The following HLA-F variants were observed in gnomAD, a reference collection of about 807,000 sequenced individuals.
HLA-F encodes the protein major histocompatibility complex, class I, F, also known as HLA class I histocompatibility antigen, alpha chain F.
Under a neutral mutation model 49.5 loss-of-function variants are expected in HLA-F, and 46 were observed. The ratio of observed to expected loss-of-function variants is 0.93; its 90% CI spans 0.73 to 1.19. HLA-F has a LOEUF of 1.19. HLA-F is among the 50% of genes most tolerant of loss of function. HLA-F has a pLI of 0.00. For synonymous variants in HLA-F, 203 were observed against 233.5 expected (o/e 0.87, Z 1.19); for missense variants, 496 against 579.6 (o/e 0.86, Z 1.48).
At chr6:29,732,810 T>C (rs1321206592) in intron 3 of HLA-F, among the ~76,000 whole-genome samples, 1 of 152,174 alleles carries the variant, frequency 6.6e-6, no homozygotes, top group Non-Finnish European at 1.5e-5. Context: ...AATAATACAT[T>C]CAAAAAGCAA....
intron 3 of HLA-F, chr6:29,737,882 A>T (rs2523393): frequency 1.3e-5 from 2 of 152,006 alleles, no homozygotes; most frequent in African/African-American, 4.8e-5. Context: ...AGGCCTAGAT[A>T]AACCTGACAG....
intron 5 of HLA-F, 110 bp downstream of exon 5, chr6:29,725,673 T>C (rs1490960341): frequency 1.1e-6 from 1 of 929,710 alleles, no homozygotes; most frequent in South Asian, 1.4e-5. Context: ...TCCACACTCA[T>C]GGGTCTACCC....
downstream of HLA-F, among the ~76,000 whole-genome samples, chr6:29,731,626 C>T (rs2127595635): frequency 6.6e-6 from 1 of 152,224 alleles, no homozygotes; most frequent in South Asian, 2.1e-4. Context: ...AGAGGATTTT[C>T]CCCGCTCAGT....
intron 5 of HLA-F, 144 bp downstream of exon 5, chr6:29,725,707 C>G: frequency 1.3e-6 from 1 of 750,192 alleles, no homozygotes; most frequent in Non-Finnish European, 2.3e-6. Flanking sequence ...TGTGCCAGCA[C>G]CTACTCATTT....
intron 3 of HLA-F, among the ~76,000 whole-genome samples, chr6:29,734,111 C>T (rs1033223923): frequency 1.3e-5 from 2 of 152,192 alleles, no homozygotes; most frequent in African/African-American, 4.8e-5. Flanking sequence ...GGAAGGTTCA[C>T]ACTTGTAGAG....
In HLA-F at chr6:29,723,924, G is replaced by A. The variant is rs753698900; in HGVS notation, c.331G>A (p.Ala111Thr). 5.6e-6 allele frequency: 9 copies of A among 1,594,208 alleles called. 1 individual carries two copies. In the African/African-American group the frequency reaches 9.4e-5, roughly 17 times the overall value. Residue 111 changes from alanine (A) to threonine (T), a missense_variant, in exon 2 of 7, where the codon GCT becomes ACT. Coordinates refer to ENST00000259951, the MANE Select transcript of HLA-F (RefSeq NM_001098479.2). ...GCTCCGCCGCTACAACCAGAGCGAG[G>A]CTGGTGAGTGAACCCGGCCGGGGGC... ...NLLRRYNQSE[A>T]GSHTLQGMNG...
chr6:29,726,111 ACCCAC>A lies in HLA-F; in HGVS notation c.1036+74_1036+78del. ...TGGTCAGGAGCCTATGAGGGAGCTC[ACCCAC>A]CCCACAGTTCCTCTAGCCACATCTG... On this transcript the variant is annotated intron_variant, in intron 6 of 6. Transcript: ENST00000259951. The A allele has an allele frequency of 2.8e-6, 4 of 1,450,018 alleles. No individual in the cohort carries two copies. In the East Asian group the frequency reaches 9.1e-5, roughly 33 times the overall value. The allele number at this position is 1,450,018 out of a possible 1,614,324, so 89.8% of individuals were successfully genotyped here. A position where few individuals can be genotyped will look rare whatever the true frequency, so the allele number is the denominator to read the frequency against.
chr6:29,728,326 G>A (rs907816792), downstream of HLA-F: 5 of 351,286 alleles, frequency 1.4e-5, no homozygotes, highest in Non-Finnish European at 2.8e-5. Flanking sequence ...CTGTATGCCT[G>A]TAGTGCTTAG....
At position 29,727,234 on chromosome 6, in the gene HLA-F, C is replaced by A; in HGVS notation, c.*59C>A. 1 of 1,053,014 alleles carries A rather than the reference C, an allele frequency of 9.5e-7. No individual in the cohort carries two copies. The highest frequency in any genetic ancestry group is 1.4e-6 in the Non-Finnish European group (1 of 720,522). The allele number at this position is 1,053,014 out of a possible 1,614,324, so 65.2% of individuals were successfully genotyped here. On this transcript the variant is annotated 3_prime_UTR_variant, in exon 7 of 7. Coordinates refer to ENST00000259951, the MANE Select transcript of HLA-F (RefSeq NM_001098479.2). ...CTAGACCACTAAATACTTCATCACA[C>A]ACCTCCTAAGAATAAGAACCAACAT...
chr6:29,731,227 G>GGATGGATAGATGATA (rs1212859904), downstream of HLA-F, among the ~76,000 whole-genome samples: 2 of 131,238 alleles, frequency 1.5e-5, no homozygotes, highest in Non-Finnish European at 3.2e-5. Context: ...TAGAGTAGAT[G>GGATGGATAGATGATA]GATACATAGA....
intron 3 of HLA-F, among the ~76,000 whole-genome samples, chr6:29,734,802 C>T (rs559933903): frequency 6.6e-6 from 1 of 152,256 alleles, no homozygotes; most frequent in Admixed American, 6.5e-5. Flanking sequence ...AACTCTGCAC[C>T]ATTAAGCAGT....
downstream of HLA-F, among the ~76,000 whole-genome samples, chr6:29,731,896 G>A (rs1776656626): frequency 6.6e-6 from 1 of 152,138 alleles, no homozygotes; most frequent in African/African-American, 2.4e-5. Context: ...ATCACAGTAT[G>A]ACAGTATAAT....
chr6:29,733,373 C>G (rs1306102043), intron 3 of HLA-F, among the ~76,000 whole-genome samples: 1 of 149,982 alleles, frequency 6.7e-6, no homozygotes, highest in East Asian at 2.0e-4. Context: ...TTTTTTAATT[C>G]AAGTAGGCAT....
rs763378037 is a variant in HLA-F, at chr6:29,724,434, C to T, written c.596C>T (p.Thr199Met). Residue 199 changes from threonine (T) to methionine (M), a missense_variant, in exon 3 of 7, where the codon ACG becomes ATG. Transcript: ENST00000259951. The part of the protein sequence containing the change: ...LRRYLENGKE[T>M]LQRADPPKAH... ...AGATACTTGGAGAATGGGAAGGAGA[C>T]GCTACAGCGCGCAGGTACCAGGGGC... 12 of 1,613,122 alleles carry T rather than the reference C, an allele frequency of 7.4e-6. No homozygotes were observed. The highest frequency in any genetic ancestry group is 3.3e-5 in the Admixed American group (2 of 60,030).
rs773593904 is a variant in HLA-F, at chr6:29,737,083, C to G, written c.404-1039C>G. ...TATGAAAAGAAATGAAAGACTGAGA[C>G]TTTTGCAATTTGTAATGAATTAACA... On this transcript the variant is annotated intron_variant, in intron 3 of 4. Coordinates refer to the HLA-F transcript ENST00000465459. Among the ~76,000 whole-genome samples, 5 of 152,010 alleles carry G rather than the reference C, an allele frequency of 3.3e-5. No individual in the cohort carries two copies. The South Asian group carries it at 1.0e-3, about 32-fold the overall frequency.
Sources: allele counts gnomAD v4.1 joint callset (sites outside exome capture counted in the v4.1 genomes callset), GRCh38; gene constraint gnomAD v4.1.1; transcripts MANE v1.5; gene names NCBI Gene and HGNC (gene_info 2026-07-23, HGNC 2026-07-21).